The following AKAP13 variants were observed in gnomAD, a reference collection of about 807,000 sequenced individuals.
The protein encoded by AKAP13 is A-kinase anchor protein 13.
In AKAP13, 80 loss-of-function variants were observed where a neutral mutation model predicts 264.5. The ratio of observed to expected loss-of-function variants is 0.30; its 90% CI spans 0.25 to 0.36. AKAP13 has a LOEUF of 0.36. AKAP13 is among the 10% of genes least tolerant of loss of function. AKAP13 has a pLI of 1.00. For missense variants in AKAP13, 3,712 were observed against 3,435.2 expected (o/e 1.08, Z -2.01); for synonymous variants, 1,380 against 1,250.2 (o/e 1.10, Z -2.19).
intron 1 of AKAP13, among the ~76,000 whole-genome samples, chr15:85,449,158 A>G (rs191599950): frequency 6.6e-6 from 1 of 151,490 alleles, no homozygotes; most frequent in African/African-American, 2.4e-5. Context: ...ATTTTATGTT[A>G]TTTTATGTTG....
chr15:85,507,139 T>C (rs1445672828), intron 2 of AKAP13, among the ~76,000 whole-genome samples: 1 of 152,210 alleles, frequency 6.6e-6, no homozygotes, highest in African/African-American at 2.4e-5. Flanking sequence ...TATATCACTG[T>C]AACTGTATGT....
rs578080260 is a variant in AKAP13 at position 85,506,972 on chromosome 15, G to T, written c.34-14456G>T. Among the ~76,000 whole-genome samples the T allele has an allele frequency of 3.9e-5, 6 of 152,220 alleles. 1 individual carries two copies. The South Asian group carries it at 1.2e-3, about 32-fold the overall frequency. On this transcript the variant is annotated intron_variant, in intron 2 of 36. Coordinates refer to ENST00000394518, the MANE Select transcript of AKAP13 (RefSeq NM_007200.5). ...CCTCCTTGGAGTGACTTTATCTCTT[G>T]TCTTCCTAGTCAGCTCTTACATGGC...
chr15:85,614,539 T>A (rs4843084), intron 8 of AKAP13, among the ~76,000 whole-genome samples: 152,218 of 152,298 alleles, frequency 1, 76,069 homozygotes, highest in Middle Eastern at 1. Flanking sequence ...TTTTATTTTT[T>A]AAAAAACATC....
intron 35 of AKAP13, among the ~76,000 whole-genome samples, chr15:85,741,713 A>AAAAC (rs1189945199): frequency 1.7e-4 from 17 of 101,084 alleles, no homozygotes; most frequent in Admixed American, 2.3e-4. Context: ...AAAAAAAAAA[A>AAAAC]AAACAAACAA....
At chr15:85,573,104 CTG>C (rs1417468026) in intron 5 of AKAP13, among the ~76,000 whole-genome samples, 3 of 152,176 alleles carry the variant, frequency 2.0e-5, no homozygotes, top group Non-Finnish European at 4.4e-5. Context: ...GTAGAAAAAA[CTG>C]GAGAGACAGT....
At chr15:85,453,116 C>T (rs1434786309) in intron 1 of AKAP13, among the ~76,000 whole-genome samples, 1 of 152,184 alleles carries the variant, frequency 6.6e-6, no homozygotes, top group South Asian at 2.1e-4. Context: ...CTTGAGTTTA[C>T]TGCAGCTTGT....
At chr15:85,606,858 G>A (rs2080371792) in intron 8 of AKAP13, among the ~76,000 whole-genome samples, 2 of 152,140 alleles carry the variant, frequency 1.3e-5, no homozygotes, top group African/African-American at 4.8e-5. Context: ...ATGGTGCAAG[G>A]CTTCTTTCCC....
In AKAP13 at chr15:85,533,846, G is replaced by A. The variant is rs1465736256; in HGVS notation, c.444G>A (p.Glu148=). The A allele has an allele frequency of 5.0e-6, 8 of 1,612,410 alleles. No individual in the cohort carries two copies. Among genetic ancestry groups the A allele is most frequent in the Non-Finnish European group, 6.8e-6 (8 of 1,179,198 alleles). The part of the protein sequence containing the change: ...LAFRHLKLPT[E]WNVLGTDQSL... Reference sequence around the variant, plus strand: ...TCAGGCACCTGAAGCTGCCCACGGAGTGGAATGTATTGGGGACAGATCAGA... The same window carrying A: ...TCAGGCACCTGAAGCTGCCCACGGAATGGAATGTATTGGGGACAGATCAGA... The change falls in exon 4 of 37, where the codon GAG becomes GAA. Residue 148 remains glutamate, a synonymous_variant. Transcript: ENST00000394518.
intron 17 of AKAP13, among the ~76,000 whole-genome samples, chr15:85,699,881 C>T (rs1458276364): frequency 3.3e-5 from 5 of 152,162 alleles, no homozygotes; most frequent in Non-Finnish European, 7.3e-5. Flanking sequence ...GAAACATTAT[C>T]AGGAGATTTA....
intron 1 of AKAP13, among the ~76,000 whole-genome samples, chr15:85,402,818 G>C (rs1461147803): frequency 6.6e-6 from 1 of 152,200 alleles, no homozygotes; most frequent in Non-Finnish European, 1.5e-5. Context: ...CCCACAGCCA[G>C]AAGTGCAAGA....
rs8026443 is a variant in AKAP13 at position 85,433,998 on chromosome 15, C to A, written c.-11-51712C>A. ...CAAGATGGCCGAATAGGAACAGCTC[C>A]GGTCTACAGCTCCCAGCGTGAGCGA... On this transcript the variant is annotated intron_variant, in intron 1 of 36. Transcript: ENST00000394518. 2.6e-3 allele frequency among the ~76,000 whole-genome samples: 401 copies of A among 152,034 alleles called. 3 individuals are homozygous for A. Among genetic ancestry groups the A allele is most frequent in the African/African-American group, 9.2e-3 (383 of 41,484 alleles).
intron 5 of AKAP13, among the ~76,000 whole-genome samples, chr15:85,545,947 T>A (rs965361812): frequency 1.3e-5 from 2 of 152,188 alleles, no homozygotes; most frequent in Non-Finnish European, 2.9e-5. Context: ...ATCACCACTA[T>A]TATTTCCAGA....
chr15:85,581,821 T>C lies in AKAP13; in HGVS notation c.3753T>C (p.Ala1251=). ...LPKGADLIEE[A]ASRIVDAVIE... ...AGGGGGCAGACTTGATAGAGGAGGCTGCCAGCCGTATAGTGGATGCTGTCA... is the reference window on the plus strand; with the variant it reads ...AGGGGGCAGACTTGATAGAGGAGGCCGCCAGCCGTATAGTGGATGCTGTCA... The change falls in exon 7 of 37, where the codon GCT becomes GCC. Residue 1251 remains alanine (A), a synonymous_variant. Transcript: ENST00000394518. 4 of 1,614,200 alleles carry C rather than the reference T, an allele frequency of 2.5e-6. No homozygotes were observed. The highest frequency in any genetic ancestry group is 3.4e-6 in the Non-Finnish European group (4 of 1,180,026).
chr15:85,615,158 T>C (rs1050063304), intron 8 of AKAP13, among the ~76,000 whole-genome samples: 7 of 152,270 alleles, frequency 4.6e-5, no homozygotes, highest in African/African-American at 1.7e-4. Context: ...GTTGTTATTT[T>C]AATTGTTGCT....
In AKAP13 at chr15:85,684,881, T is replaced by A. The variant is rs1476705242; in HGVS notation, c.5289+8T>A. ...AGCAGCAAGAAGAGCAAAGTGAGTA[T>A]CACTGTGGGCATTGCTTGTGATCAC... On this transcript the variant is annotated splice_region_variant and intron_variant, in intron 16 of 36. Transcript: ENST00000394518. 6.2e-7 allele frequency: 1 copy of A among 1,613,450 alleles called. No individual in the cohort carries two copies. Among genetic ancestry groups the A allele is most frequent in the Non-Finnish European group, 8.5e-7 (1 of 1,179,852 alleles).
In AKAP13 at chr15:85,745,533, T is replaced by C. The variant is rs533478558; in HGVS notation, c.*856T>C. ...ATAAAGTGAAGAGGCCTACTCACCA[T>C]TATCCCTGCAGCGTGACACCTTTTG... On this transcript the variant is annotated 3_prime_UTR_variant, in exon 37 of 37. Coordinates refer to ENST00000394518, the MANE Select transcript of AKAP13 (RefSeq NM_007200.5). 6 of 152,224 alleles carry C rather than the reference T, an allele frequency of 3.9e-5. No individual in the cohort carries two copies. The highest frequency in any genetic ancestry group is 7.3e-5 in the Non-Finnish European group (5 of 68,044). 9.4% of individuals were successfully genotyped at this position (152,224 alleles called of 1,614,324 possible). A position where few individuals can be genotyped will look rare whatever the true frequency, so the allele number is the denominator to read the frequency against.
chr15:85,742,476 G>A (rs1382828841), intron 35 of AKAP13, among the ~76,000 whole-genome samples: 2 of 152,288 alleles, frequency 1.3e-5, no homozygotes, highest in East Asian at 3.9e-4. Context: ...AGAGGGAAAC[G>A]CCCATCCCAG....
At chr15:85,422,973 A>G (rs2072592110) in intron 1 of AKAP13, among the ~76,000 whole-genome samples, 1 of 152,234 alleles carries the variant, frequency 6.6e-6, no homozygotes, top group South Asian at 2.1e-4. Context: ...TTCCCGGTGC[A>G]TATGTTTTGT....
intron 8 of AKAP13, among the ~76,000 whole-genome samples, chr15:85,622,757 A>C (rs996526639): frequency 2.2e-4 from 34 of 152,202 alleles, no homozygotes; most frequent in Admixed American, 7.9e-4. Context: ...TCTCATATGT[A>C]ATTGATAATA....
Sources: gnomAD v4.1 joint callset for allele counts (sites outside exome capture counted in the v4.1 genomes callset) on GRCh38, gnomAD v4.1.1 for gene constraint, MANE v1.5 for transcripts, NCBI Gene and HGNC (gene_info 2026-07-23, HGNC 2026-07-21) for gene names.